The following ST6GALNAC5 variants were observed in gnomAD, a reference collection of about 807,000 sequenced individuals.
ST6GALNAC5 encodes the protein alpha-N-acetylgalactosaminide alpha-2,6-sialyltransferase 5.
ST6GALNAC5 carries 27 observed loss-of-function variants against 33.6 expected under a neutral mutation model. The ratio of observed to expected loss-of-function variants is 0.80; its 90% CI spans 0.59 to 1.11. The LOEUF (loss-of-function observed/expected upper bound fraction) is 1.11, where lower values mean the gene tolerates loss of function less well. Among genes scored for constraint, ST6GALNAC5 ranks in the 50% least tolerant of loss-of-function variants. The pLI is 0.00. For synonymous variants in ST6GALNAC5, 194 were observed against 171.2 expected (o/e 1.13, Z -1.04); for missense variants, 428 against 454.0 (o/e 0.94, Z 0.52).
chr1:76,981,233 T>C (rs1232865977), intron 2 of ST6GALNAC5, among the ~76,000 whole-genome samples: 1 of 152,166 alleles, frequency 6.6e-6, no homozygotes, highest in East Asian at 1.9e-4. Context: ...TTCCCTTTCC[T>C]AGCCAAGGGA....
At chr1:76,915,855 A>T (rs564691173) in intron 2 of ST6GALNAC5, among the ~76,000 whole-genome samples, 337 of 150,848 alleles carry the variant, frequency 2.2e-3, no homozygotes, top group Middle Eastern at 6.8e-3. Flanking sequence ...ATAATAAATT[A>T]AAAAAAGAAT....
intron 2 of ST6GALNAC5, among the ~76,000 whole-genome samples, chr1:76,938,569 G>A (rs759269104): frequency 2.6e-5 from 4 of 152,038 alleles, no homozygotes; most frequent in Admixed American, 6.6e-5. Context: ...AGCTCCTTCT[G>A]ACTGGAAGTG....
At chr1:76,912,175 G>A (rs1475854463) in intron 2 of ST6GALNAC5, among the ~76,000 whole-genome samples, 26 of 151,714 alleles carry the variant, frequency 1.7e-4, no homozygotes, top group Admixed American at 3.9e-4. Context: ...CCTTCATTTC[G>A]TTATGTACCC....
At chr1:77,024,839 G>C (rs1036148111) in intron 2 of ST6GALNAC5, among the ~76,000 whole-genome samples, 2 of 152,214 alleles carry the variant, frequency 1.3e-5, no homozygotes, top group Admixed American at 1.3e-4. Context: ...CAGAGCACCA[G>C]AATCCCCAGC....
At chr1:76,945,559 G>A (rs1459435090) in intron 2 of ST6GALNAC5, among the ~76,000 whole-genome samples, 2 of 151,986 alleles carry the variant, frequency 1.3e-5, no homozygotes, top group Admixed American at 1.3e-4. Flanking sequence ...ATATATTTAA[G>A]CTTGTATGAT....
intron 4 of ST6GALNAC5, among the ~76,000 whole-genome samples, chr1:77,053,459 G>A (rs975193033): frequency 6.6e-5 from 10 of 152,118 alleles, no homozygotes; most frequent in South Asian, 2.1e-4. Context: ...AATATCAAGG[G>A]AATGAATGGC....
intron 2 of ST6GALNAC5, among the ~76,000 whole-genome samples, chr1:76,924,515 T>TGG (rs1647065848): frequency 6.6e-6 from 1 of 152,190 alleles, no homozygotes; most frequent in Non-Finnish European, 1.5e-5. Flanking sequence ...AATATACTGT[T>TGG]CTTTCCCTAA....
chr1:76,935,860 C>T (rs976276515), intron 2 of ST6GALNAC5, among the ~76,000 whole-genome samples: 51 of 152,092 alleles, frequency 3.4e-4, no homozygotes, highest in African/African-American at 1.2e-3. Flanking sequence ...TGGGATACAG[C>T]GATGAACAAA....
At chr1:77,044,104 G>A in intron 2 of ST6GALNAC5, 100 bp from the exon 3 acceptor site, 1 of 1,309,140 alleles carries the variant, frequency 7.6e-7, no homozygotes, top group Non-Finnish European at 1.0e-6. Flanking sequence ...GGAGAGAAGA[G>A]ATGGGTGCCC....
chr1:77,001,403 G>A (rs56201824), intron 2 of ST6GALNAC5, among the ~76,000 whole-genome samples: 33,970 of 115,292 alleles, frequency 0.29, 5,243 homozygotes, highest in East Asian at 0.44. Context: ...CTGAGACAAT[G>A]GGGTTTTCTA....
intron 2 of ST6GALNAC5, among the ~76,000 whole-genome samples, chr1:77,025,096 C>T (rs1651184015): frequency 6.6e-6 from 1 of 152,216 alleles, no homozygotes. Context: ...AAGTCTTGCA[C>T]TCCCCAGCCA....
chr1:76,869,603 C>A (rs1042999476), intron 2 of ST6GALNAC5, among the ~76,000 whole-genome samples: 1 of 152,150 alleles, frequency 6.6e-6, no homozygotes. Flanking sequence ...CTTGAAATCT[C>A]CCAATTATTC....
chr1:76,996,021 A>T (rs1255886341), intron 2 of ST6GALNAC5, among the ~76,000 whole-genome samples: 5 of 152,188 alleles, frequency 3.3e-5, no homozygotes, highest in Non-Finnish European at 7.3e-5. Flanking sequence ...TGTTATAGAC[A>T]CCTTTATAAT....
intron 2 of ST6GALNAC5, among the ~76,000 whole-genome samples, chr1:76,975,224 T>C (rs1648959177): frequency 6.6e-6 from 1 of 152,210 alleles, no homozygotes. Context: ...TAGAAGTAGA[T>C]ACATTATCCC....
chr1:77,058,002 T>C (rs1218755028), intron 4 of ST6GALNAC5, among the ~76,000 whole-genome samples: 1 of 152,140 alleles, frequency 6.6e-6, no homozygotes, highest in Non-Finnish European at 1.5e-5. Flanking sequence ...GCACCACACA[T>C]GGGGCTCCTC....
chr1:76,975,525 G>A (rs536605777), intron 2 of ST6GALNAC5, among the ~76,000 whole-genome samples: 24 of 152,220 alleles, frequency 1.6e-4, no homozygotes, highest in African/African-American at 5.8e-4. Flanking sequence ...AGATAAATTG[G>A]AGTTACTTTA....
intron 2 of ST6GALNAC5, among the ~76,000 whole-genome samples, chr1:76,984,976 A>G (rs977863647): frequency 1.3e-5 from 2 of 152,206 alleles, no homozygotes; most frequent in Non-Finnish European, 2.9e-5. Context: ...CTTTCTTGCT[A>G]AAAACACGCA....
chr1:77,021,104 GA>G (rs1207170183), intron 2 of ST6GALNAC5, among the ~76,000 whole-genome samples: 1 of 152,226 alleles, frequency 6.6e-6, no homozygotes, highest in Non-Finnish European at 1.5e-5. Context: ...TAGGGCAAGT[GA>G]AACTAGATTC....
At chr1:76,923,914 A>G (rs746560532) in intron 2 of ST6GALNAC5, among the ~76,000 whole-genome samples, 4 of 152,170 alleles carry the variant, frequency 2.6e-5, no homozygotes, top group Non-Finnish European at 4.4e-5. Flanking sequence ...ATTAATGGAC[A>G]TTCCAAAGAA....
Sources: gnomAD v4.1 joint callset for allele counts (sites outside exome capture counted in the v4.1 genomes callset) on GRCh38, gnomAD v4.1.1 for gene constraint, MANE v1.5 for transcripts, NCBI Gene and HGNC (gene_info 2026-07-23, HGNC 2026-07-21) for gene names.